KLHL32: variants seen among roughly 807,000 people sequenced by gnomAD.
KLHL32 encodes the protein kelch-like protein 32.
In KLHL32, 35 loss-of-function variants were observed where a neutral mutation model predicts 64.8. That is an observed-to-expected ratio of 0.54 (90% CI 0.41 to 0.72). The LOEUF (loss-of-function observed/expected upper bound fraction) is 0.72. KLHL32 is among the 30% of genes least tolerant of loss of function. KLHL32 has a pLI of 0.00. For missense variants in KLHL32, 589 were observed against 768.5 expected, an observed-to-expected ratio of 0.77 and a Z score of 2.76; for synonymous variants, 259 against 281.0, an observed-to-expected ratio of 0.92 and a Z score of 0.78.
chr6:96,986,882 C>A (rs888899697), intron 3 of KLHL32, among the ~76,000 whole-genome samples: 1 of 152,222 alleles, frequency 6.6e-6, no homozygotes, highest in African/African-American at 2.4e-5. Context: ...CACTGTCCTG[C>A]ACCCACTTCC....
chr6:97,090,115 T>C (rs1417347981), intron 6 of KLHL32, among the ~76,000 whole-genome samples: 2 of 152,214 alleles, frequency 1.3e-5, no homozygotes, highest in African/African-American at 4.8e-5. Flanking sequence ...GGCTGTGCTG[T>C]AGTGTTTGCA....
chr6:97,130,340 G>T (rs1294192957), intron 8 of KLHL32, among the ~76,000 whole-genome samples: 2 of 152,102 alleles, frequency 1.3e-5, no homozygotes, highest in African/African-American at 4.8e-5. Flanking sequence ...TATAAACCCA[G>T]GTAGTCTGGA....
intron 7 of KLHL32, among the ~76,000 whole-genome samples, chr6:97,119,458 G>T (rs1798140921): frequency 1.3e-5 from 2 of 152,140 alleles, no homozygotes; most frequent in African/African-American, 4.8e-5. Flanking sequence ...AGAAGTTTGG[G>T]AAACACTACA....
At chr6:96,955,135 C>T (rs889993433) in intron 1 of KLHL32, among the ~76,000 whole-genome samples, 3 of 152,294 alleles carry the variant, frequency 2.0e-5, no homozygotes, top group African/African-American at 4.8e-5. Context: ...ACCCAATTAC[C>T]TCCCAAAGGC....
chr6:97,006,118 T>C (rs891638128), intron 3 of KLHL32, among the ~76,000 whole-genome samples: 1 of 152,158 alleles, frequency 6.6e-6, no homozygotes, highest in African/African-American at 2.4e-5. Context: ...TTTAAGCCTC[T>C]CATTATTATT....
At position 97,101,760 on chromosome 6, in the gene KLHL32, G is replaced by T. The variant is rs1283545061; in HGVS notation, c.628-12023G>T. Among the ~76,000 whole-genome samples the T allele has an allele frequency of 2.0e-5, 3 of 152,182 alleles. No homozygotes were observed. In the South Asian group the frequency reaches 6.2e-4, roughly 31 times the overall value. ...GAGCTAGTTTATAATCTGTTGTGCTGCCATGGTTTTATTATCACTTTAAAT... is the reference window on the plus strand; with the variant it reads ...GAGCTAGTTTATAATCTGTTGTGCTTCCATGGTTTTATTATCACTTTAAAT... On this transcript the variant is annotated intron_variant, in intron 6 of 10. Transcript: ENST00000369261.
At chr6:97,077,495 A>G (rs920666918) in intron 5 of KLHL32, among the ~76,000 whole-genome samples, 1 of 152,186 alleles carries the variant, frequency 6.6e-6, no homozygotes, top group African/African-American at 2.4e-5. Context: ...GAAAGGGGGA[A>G]AAATCTAACA....
At chr6:96,902,423 T>C in the KLHL32 span, among the ~76,000 whole-genome samples, 1 of 152,388 alleles carries the variant, frequency 6.6e-6, no homozygotes, top group South Asian at 2.1e-4. Flanking sequence ...GGGCATGTTC[T>C]TTGCATACTT....
At chr6:96,914,492 A>C in the KLHL32 span, among the ~76,000 whole-genome samples, 7 of 152,106 alleles carry the variant, frequency 4.6e-5, no homozygotes, top group Non-Finnish European at 8.8e-5. Flanking sequence ...TTTACCAAAT[A>C]GATTATGCTT....
intron 3 of KLHL32, among the ~76,000 whole-genome samples, chr6:97,019,848 T>C (rs146384876): frequency 0.065 from 9,850 of 152,054 alleles, 680 homozygotes; most frequent in African/African-American, 0.17. Flanking sequence ...GGCGCGATCT[T>C]GGCTCACTGC....
chr6:97,091,981 C>CTTTTTT (rs11340950), intron 6 of KLHL32, among the ~76,000 whole-genome samples: 17 of 132,362 alleles, frequency 1.3e-4, no homozygotes, highest in African/African-American at 1.6e-4. Flanking sequence ...CTCTTTCTTT[C>CTTTTTT]TTTTTTTTTT....
intron 5 of KLHL32, among the ~76,000 whole-genome samples, chr6:97,068,523 A>G (rs1790174041): frequency 6.6e-6 from 1 of 152,258 alleles, no homozygotes; most frequent in Admixed American, 6.5e-5. Context: ...TGACCTAATC[A>G]GTAAAAAAGT....
chr6:97,059,749 G>A (rs76421537), intron 4 of KLHL32, among the ~76,000 whole-genome samples: 4,459 of 152,272 alleles, frequency 0.029, 234 homozygotes, highest in African/African-American at 0.1. Flanking sequence ...TGTTCCATCT[G>A]TGAGAATTCT....
intron 10 of KLHL32, among the ~76,000 whole-genome samples, chr6:97,137,662 G>C (rs986083362): frequency 2.6e-5 from 4 of 152,088 alleles, no homozygotes; most frequent in Non-Finnish European, 5.9e-5. Flanking sequence ...AGCCTCCCGA[G>C]TAGCTGGGAC....
intron 4 of KLHL32, among the ~76,000 whole-genome samples, chr6:97,060,842 C>G (rs115122181): frequency 0.02 from 3,066 of 152,216 alleles, 110 homozygotes; most frequent in African/African-American, 0.069. Flanking sequence ...CTTTGTCACA[C>G]CATTCTGTGT....
At chr6:96,987,457 A>G (rs1422313870) in intron 3 of KLHL32, among the ~76,000 whole-genome samples, 1 of 152,220 alleles carries the variant, frequency 6.6e-6, no homozygotes, top group Admixed American at 6.5e-5. Flanking sequence ...AAAAGAGGAT[A>G]CAAACAAATG....
chr6:97,070,873 G>A (rs1283562367), intron 5 of KLHL32, among the ~76,000 whole-genome samples: 2 of 152,084 alleles, frequency 1.3e-5, no homozygotes, highest in African/African-American at 4.8e-5. Context: ...GGTGGGGGGT[G>A]TGTAAAAGAA....
chr6:97,052,597 C>T (rs1284450300), intron 4 of KLHL32, among the ~76,000 whole-genome samples: 1 of 152,170 alleles, frequency 6.6e-6, no homozygotes, highest in African/African-American at 2.4e-5. Flanking sequence ...TGGTTGGTGA[C>T]CGCCCTGTGT....
At chr6:97,099,438 A>T (rs536301275) in intron 6 of KLHL32, among the ~76,000 whole-genome samples, 10 of 152,302 alleles carry the variant, frequency 6.6e-5, no homozygotes, top group African/African-American at 2.4e-4. Context: ...TGATTTCCCC[A>T]GATTGGACTC....
Sources: allele counts gnomAD v4.1 joint callset (sites outside exome capture counted in the v4.1 genomes callset), GRCh38; gene constraint gnomAD v4.1.1; transcripts MANE v1.5; gene names NCBI Gene and HGNC (gene_info 2026-07-23, HGNC 2026-07-21).